The following TMEM266 variants were observed in gnomAD, a reference collection of about 807,000 sequenced individuals.
TMEM266 encodes Hv1 related protein 1.
Under a neutral mutation model 50.5 loss-of-function variants are expected in TMEM266, and 33 were observed. That is an observed-to-expected ratio of 0.65 (90% CI 0.50 to 0.87). TMEM266 has a LOEUF of 0.87. TMEM266 is among the 40% of genes least tolerant of loss of function. The pLI, the probability that TMEM266 is intolerant of heterozygous loss-of-function variation, is 0.00. For missense variants in TMEM266, 655 were observed against 695.1 expected, an observed-to-expected ratio of 0.94 and a Z score of 0.65; for synonymous variants, 310 against 292.3, an observed-to-expected ratio of 1.06 and a Z score of -0.62.
At chr15:76,084,045 AT>A in intron 1 of TMEM266, among the ~76,000 whole-genome samples, 1 of 152,322 alleles carries the variant, frequency 6.6e-6, no homozygotes, top group Non-Finnish European at 1.5e-5. Context: ...GTGGTCGCTC[AT>A]TACAGGAATG....
chr15:76,080,911 A>G (rs919044960), intron 1 of TMEM266, among the ~76,000 whole-genome samples: 1 of 146,818 alleles, frequency 6.8e-6, no homozygotes, highest in African/African-American at 2.5e-5. Context: ...GTGCCCAGCT[A>G]ATTTTTTTTT....
At chr15:76,158,859 T>A (rs115211686) in intron 4 of TMEM266, among the ~76,000 whole-genome samples, 255 of 152,332 alleles carry the variant, frequency 1.7e-3, no homozygotes, top group African/African-American at 5.8e-3. Flanking sequence ...GTCTCCCACC[T>A]GGAACCTGGT....
chr15:76,202,980 C>G (rs1230729244), intron 10 of TMEM266, among the ~76,000 whole-genome samples: 1 of 152,182 alleles, frequency 6.6e-6, no homozygotes, highest in East Asian at 1.9e-4. Context: ...ATCCAATATG[C>G]TGGTTTCAAA....
intron 9 of TMEM266, among the ~76,000 whole-genome samples, chr15:76,197,263 C>T (rs942621287): frequency 2.0e-5 from 3 of 152,240 alleles, no homozygotes; most frequent in African/African-American, 4.8e-5. Context: ...GGCTGTAGGA[C>T]TAGATCTGAA....
rs1186814934 is a variant in TMEM266 at position 76,160,263 on chromosome 15, GGTCCCCTGCTAGCCCTTGA to G, written c.456+97_456+115del. The G allele has an allele frequency of 8.0e-7, 1 of 1,247,504 alleles. No homozygotes were observed. The highest frequency in any genetic ancestry group is 1.5e-5 in the African/African-American group (1 of 67,398). 77.3% of individuals were successfully genotyped at this position (1,247,504 alleles called of 1,614,324 possible). ...CTTCTCGAAATGGTTTCTAGCATCA[GGTCCCCTGCTAGCCCTTGA>G]GGCTGCTGGGAGGGAGACACAATAT... On this transcript the variant is annotated intron_variant, in intron 5 of 10. Coordinates refer to ENST00000388942, the MANE Select transcript of TMEM266 (RefSeq NM_152335.3). This position sits in a 1 kb window ranked among gnomAD's most constrained non-coding sequence, Gnocchi z 5.7.
chr15:76,163,915 C>G (rs2038054803), intron 5 of TMEM266, among the ~76,000 whole-genome samples: 1 of 152,214 alleles, frequency 6.6e-6, no homozygotes, highest in Admixed American at 6.5e-5. Flanking sequence ...TCACATAACC[C>G]TTTTACAGTG....
chr15:76,159,837 G>C (rs754705798), intron 4 of TMEM266, among the ~76,000 whole-genome samples: 1 of 151,706 alleles, frequency 6.6e-6, no homozygotes, highest in Non-Finnish European at 1.5e-5. Flanking sequence ...TGAGAGAGGC[G>C]GCCTGTGGGG....
At chr15:76,137,527 C>T (rs1237312656) in intron 2 of TMEM266, among the ~76,000 whole-genome samples, 180 bp from the exon 3 acceptor site, 1 of 152,174 alleles carries the variant, frequency 6.6e-6, no homozygotes, top group African/African-American at 2.4e-5. Context: ...AGAGATGGGA[C>T]TGTTAGGGCC....
At chr15:76,157,310 G>A (rs2142048022) in intron 4 of TMEM266, among the ~76,000 whole-genome samples, 1 of 152,332 alleles carries the variant, frequency 6.6e-6, no homozygotes, top group Admixed American at 6.5e-5. Context: ...GGGCGAGATG[G>A]ATATGATCCC....
At chr15:76,084,703 C>T (rs1322190159) in intron 1 of TMEM266, among the ~76,000 whole-genome samples, 5 of 150,942 alleles carry the variant, frequency 3.3e-5, no homozygotes, top group Non-Finnish European at 7.4e-5. Context: ...TGGGTTCAAG[C>T]AATTCTTCTG....
At chr15:76,190,259 C>T (rs897512295) in intron 8 of TMEM266, among the ~76,000 whole-genome samples, 3 of 152,156 alleles carry the variant, frequency 2.0e-5, no homozygotes, top group Admixed American at 2.0e-4. Context: ...GAGACCAGCG[C>T]ATGCTTGGTA....
At chr15:76,203,633 C>T (rs1173309797) in intron 10 of TMEM266, 108 bp from the exon 11 acceptor site, 7 of 1,035,842 alleles carry the variant, frequency 6.8e-6, no homozygotes, top group Non-Finnish European at 8.7e-6. Context: ...CGGTCTCCTA[C>T]AGCCTAGCCA....
chr15:76,203,816 C>T lies in TMEM266; in HGVS notation c.1097C>T (p.Ser366Leu), dbSNP rs148570844. ...GACATTCACCAGCCCAACATCTCCT[C>T]GGACCTCTTCTCTCTGGACATGCCC... Residue 366 changes from serine to leucine, a missense_variant, in exon 11 of 11, where the codon TCG (serine) becomes TTG (leucine). Around this residue, in one of 3 missense-constraint regions of TMEM266, gnomAD observed 455 missense variants for 401.8 expected, o/e 1.13. Coordinates refer to ENST00000388942, the MANE Select transcript of TMEM266 (RefSeq NM_152335.3). 24 of 1,614,212 alleles carry T rather than the reference C, an allele frequency of 1.5e-5. No homozygotes were observed. The African/African-American group carries it at 1.7e-4, about 12-fold the overall frequency.
At chr15:76,112,413 C>G (rs1332307569) in intron 1 of TMEM266, 3 of 152,180 alleles carry the variant, frequency 2.0e-5, no homozygotes. Flanking sequence ...ATGCTTTGTA[C>G]TTTCTGCTCA....
rs147256923 is a variant in TMEM266 at position 76,066,411 on chromosome 15, C to G, written c.-97+6395C>G. 1.6e-3 allele frequency among the ~76,000 whole-genome samples: 242 copies of G among 152,264 alleles called. 1 individual carries two copies. Among genetic ancestry groups the G allele is most frequent in the African/African-American group, 5.7e-3 (236 of 41,538 alleles). The stretch of plus-strand genomic sequence containing the variant: ...AAAAGTAGCTTGAAATCCTACCAAC[C>G]TATAAAGCTGTTAGAATTTTTAAGA... On this transcript the variant is annotated intron_variant, in intron 1 of 10. Transcript: ENST00000388942.
intron 8 of TMEM266, among the ~76,000 whole-genome samples, chr15:76,180,607 CTTTTTTT>C (rs59287886): frequency 4.7e-5 from 3 of 63,170 alleles, no homozygotes; most frequent in Non-Finnish European, 8.0e-5. Flanking sequence ...TCATCTTAAG[CTTTTTTT>C]TTTTTTTTTT....
chr15:76,068,215 C>T (rs1157691350), intron 1 of TMEM266, among the ~76,000 whole-genome samples: 1 of 152,318 alleles, frequency 6.6e-6, no homozygotes, highest in Non-Finnish European at 1.5e-5. Flanking sequence ...TTTAAGGCCC[C>T]AACTTTGGGA....
At chr15:76,111,699 T>G (rs2037172812) in intron 1 of TMEM266, among the ~76,000 whole-genome samples, 1 of 152,244 alleles carries the variant, frequency 6.6e-6, no homozygotes, top group African/African-American at 2.4e-5. Context: ...TGCGCCACCA[T>G]GCCCGGCCAA....
chr15:76,152,935 T>C (rs2037867021), intron 3 of TMEM266, among the ~76,000 whole-genome samples: 1 of 152,108 alleles, frequency 6.6e-6, no homozygotes, highest in Admixed American at 6.5e-5. Context: ...TTCATTTGAC[T>C]TCAAGGCCGT....
Sources: allele counts gnomAD v4.1 joint callset (sites outside exome capture counted in the v4.1 genomes callset), GRCh38; gene constraint gnomAD v4.1.1; regional missense constraint gnomAD v4.1.1; non-coding constraint Gnocchi (gnomAD v3.1); transcripts MANE v1.5; gene names NCBI Gene and HGNC (gene_info 2026-07-23, HGNC 2026-07-21).